The following BMP8A variants were observed in gnomAD, a reference collection of about 807,000 sequenced individuals.
BMP8A encodes the protein BMP-8A.
BMP8A carries 14 observed loss-of-function variants against 36.8 expected under a neutral mutation model. The observed-to-expected ratio is 0.38, with a 90% CI of 0.25 to 0.60. The LOEUF is 0.60. Among genes scored for constraint, BMP8A ranks in the 20% least tolerant of loss-of-function variants. BMP8A has a pLI of 0.63. For missense variants in BMP8A, 267 were observed against 551.1 expected (o/e 0.48, Z 5.16); for synonymous variants, 120 against 237.7 (o/e 0.50, Z 4.55).
rs974524749 is a variant in BMP8A, at chr1:39,529,851, A to G, written c.*4053A>G. Among the ~76,000 whole-genome samples, 4 of 152,234 alleles carry G rather than the reference A, an allele frequency of 2.6e-5. No individual in the cohort carries two copies. The highest frequency in any genetic ancestry group is 4.4e-5 in the Non-Finnish European group (3 of 68,030). ...ATATTTTGAAAGTTTCTGTGATTAA[A>G]TGTTCTTTGAAAACATAACTTTTAG... On this transcript the variant is annotated 3_prime_UTR_variant, in exon 7 of 7. Transcript: ENST00000331593.
intron 1 of BMP8A, among the ~76,000 whole-genome samples, chr1:39,507,204 G>A (rs1024927922): frequency 2.0e-5 from 3 of 152,222 alleles, no homozygotes; most frequent in African/African-American, 7.2e-5. Context: ...ACACTGGCCG[G>A]ACAGAGAGCA....
At chr1:39,507,956 A>G (rs1242392671) in intron 1 of BMP8A, among the ~76,000 whole-genome samples, 1 of 152,172 alleles carries the variant, frequency 6.6e-6, no homozygotes, top group Non-Finnish European at 1.5e-5. Context: ...TTTTATTTAG[A>G]AAAAAAGAAA....
intron 3 of BMP8A, chr1:39,515,594 G>A: frequency 3.3e-6 from 5 of 1,516,892 alleles, no homozygotes; most frequent in Non-Finnish European, 4.5e-6. Flanking sequence ...TGAAAGGGTG[G>A]AAGGCCGACC....
At chr1:39,504,061 T>A (rs929477345) in intron 1 of BMP8A, among the ~76,000 whole-genome samples, 1 of 152,188 alleles carries the variant, frequency 6.6e-6, no homozygotes, top group Non-Finnish European at 1.5e-5. Flanking sequence ...GGAATCAAAT[T>A]TCACGCCACT....
At chr1:39,513,721 C>T in intron 3 of BMP8A, among the ~76,000 whole-genome samples, 1 of 151,760 alleles carries the variant, frequency 6.6e-6, no homozygotes, top group Non-Finnish European at 1.5e-5. Flanking sequence ...ATTACAGGGA[C>T]CGGTGAGCGT....
At chr1:39,498,473 G>T (rs905108024) in intron 1 of BMP8A, among the ~76,000 whole-genome samples, 2 of 152,190 alleles carry the variant, frequency 1.3e-5, no homozygotes, top group African/African-American at 4.8e-5. Flanking sequence ...TTTTAATTTG[G>T]GGTCCAGAAC....
At chr1:39,510,418 C>T (rs1166961504) in intron 1 of BMP8A, among the ~76,000 whole-genome samples, 1 of 137,078 alleles carries the variant, frequency 7.3e-6, no homozygotes, top group Non-Finnish European at 1.6e-5. Context: ...AGTTGTCACT[C>T]CTGCCCTGGT....
chr1:39,503,175 G>T (rs1174538602), intron 1 of BMP8A, among the ~76,000 whole-genome samples: 3 of 152,128 alleles, frequency 2.0e-5, no homozygotes, highest in Non-Finnish European at 2.9e-5. Context: ...GGACAAGATG[G>T]CAAGACCCCA....
At chr1:39,517,825 G>A (rs1233169560) in intron 3 of BMP8A, among the ~76,000 whole-genome samples, 48 of 152,288 alleles carry the variant, frequency 3.2e-4, no homozygotes, top group African/African-American at 7.2e-4. Flanking sequence ...AGAGGCTGCC[G>A]GTCCTGAAAT....
At chr1:39,504,291 G>C (rs530410752) in intron 1 of BMP8A, among the ~76,000 whole-genome samples, 13 of 152,266 alleles carry the variant, frequency 8.5e-5, no homozygotes, top group African/African-American at 3.1e-4. Flanking sequence ...ACCGGCACTG[G>C]TCTCTGAGTT....
rs1480975874 is a variant in BMP8A, at chr1:39,527,837, A to G, written c.*2039A>G. 6.6e-6 allele frequency among the ~76,000 whole-genome samples: 1 copy of G among 152,226 alleles called. No individual in the cohort carries two copies. The highest frequency in any genetic ancestry group is 2.4e-5 in the African/African-American group (1 of 41,458). On this transcript the variant is annotated 3_prime_UTR_variant, in exon 7 of 7. Transcript: ENST00000331593. ...CACGCTTCAGTTTCTCATCTGCAAC[A>G]TGAGGACATAGGACTCTTTAATTCC...
chr1:39,512,057 TG>T (rs1354854352), intron 3 of BMP8A, among the ~76,000 whole-genome samples, 153 bp downstream of exon 3: 3 of 20,172 alleles, frequency 1.5e-4, no homozygotes, highest in East Asian at 1.8e-3. Flanking sequence ...CTAGTGGGGG[TG>T]CTCCCTCCTC....
chr1:39,515,403 G>A, intron 3 of BMP8A: 1 of 797,576 alleles, frequency 1.3e-6, no homozygotes, highest in South Asian at 1.9e-5. Flanking sequence ...CGCGGGGGGC[G>A]CCGGGGTGCC....
intron 1 of BMP8A, among the ~76,000 whole-genome samples, chr1:39,492,769 G>T (rs1384449055): frequency 6.6e-6 from 1 of 152,218 alleles, no homozygotes; most frequent in African/African-American, 2.4e-5. Context: ...GAGCTGAGTC[G>T]CGTGCCCTGA....
chr1:39,493,059 A>C (rs936601346), intron 1 of BMP8A, among the ~76,000 whole-genome samples: 1 of 152,202 alleles, frequency 6.6e-6, no homozygotes, highest in African/African-American at 2.4e-5. Flanking sequence ...TTAAGATCTC[A>C]GATTTTTCTT....
chr1:39,523,736 T>C, intron 6 of BMP8A: 1 of 1,325,552 alleles, frequency 7.5e-7, no homozygotes, highest in Non-Finnish European at 9.8e-7. Flanking sequence ...GGATCACTGG[T>C]GCTGCTCACC....
chr1:39,523,199 C>T (rs1174008394), intron 6 of BMP8A, 82 bp downstream of exon 6: 2 of 1,473,484 alleles, frequency 1.4e-6, no homozygotes, highest in African/African-American at 1.4e-5. Flanking sequence ...GCCGGGAGGG[C>T]AGTGAGGCCA....
intron 1 of BMP8A, among the ~76,000 whole-genome samples, chr1:39,502,388 G>A (rs899800158): frequency 2.0e-5 from 3 of 152,100 alleles, no homozygotes; most frequent in African/African-American, 7.2e-5. Context: ...ATATTTCCTA[G>A]CTCTGTGCAC....
Position 39,525,614 on chromosome 1 carries a change from C to G in BMP8A, c.1060-35C>G, listed in dbSNP as rs371296374. The G allele has an allele frequency of 3.7e-4, 589 of 1,610,410 alleles. 1 individual carries two copies. The African/African-American group carries it at 3.8e-3, about 10-fold the overall frequency. On this transcript the variant is annotated intron_variant, in intron 6 of 6. Transcript: ENST00000331593. ...GTGGGTCCTCAGAGGAGGCCACTGG[C>G]CTCATGCCCCTGCCTGTGCTCCCTT...
Sources: gnomAD v4.1 joint callset for allele counts (sites outside exome capture counted in the v4.1 genomes callset) on GRCh38, gnomAD v4.1.1 for gene constraint, MANE v1.5 for transcripts, NCBI Gene and HGNC (gene_info 2026-07-23, HGNC 2026-07-21) for gene names.